Variants in SP140 observed in about 807,000 individuals in gnomAD.
The protein encoded by SP140 is SP140 nuclear body protein.
SP140 carries 81 observed loss-of-function variants against 125.0 expected under a neutral mutation model. The observed-to-expected ratio is 0.65, with a 90% CI of 0.54 to 0.78. The LOEUF is 0.78. Ranked by LOEUF, SP140 falls within the 30% of genes least tolerant of loss-of-function variation. The probability of loss-of-function intolerance (pLI) is 0.00; values close to 1 mark genes in which losing one functional copy is unlikely to be tolerated. For synonymous variants in SP140, 312 were observed against 354.0 expected, an observed-to-expected ratio of 0.88 and a Z score of 1.33; for missense variants, 858 against 1,037.0, an observed-to-expected ratio of 0.83 and a Z score of 2.37.
intron 22 of SP140, among the ~76,000 whole-genome samples, chr2:230,304,207 T>C (rs1429342912): frequency 6.6e-6 from 1 of 151,680 alleles, no homozygotes; most frequent in Non-Finnish European, 1.5e-5. Flanking sequence ...AGAGATGAAA[T>C]ACCTCTACAA....
chr2:230,252,188 C>A (rs2050472923), intron 10 of SP140, among the ~76,000 whole-genome samples: 1 of 150,340 alleles, frequency 6.7e-6, no homozygotes, highest in Admixed American at 6.6e-5. Context: ...AAAAATAGAG[C>A]CAGGAAAGAT....
intron 3 of SP140, chr2:230,239,039 G>C (rs2048357516): frequency 7.2e-7 from 1 of 1,398,536 alleles, no homozygotes; most frequent in Non-Finnish European, 9.3e-7. Flanking sequence ...TTTAATTTTT[G>C]GAAAATAAAG....
intron 3 of SP140, among the ~76,000 whole-genome samples, chr2:230,220,540 G>C (rs1420457319): frequency 1.3e-5 from 2 of 152,192 alleles, no homozygotes; most frequent in African/African-American, 4.8e-5. Flanking sequence ...CAGACCTCCA[G>C]GCAGAAAAAT....
upstream of SP140, among the ~76,000 whole-genome samples, chr2:230,223,733 A>G (rs1192907035): frequency 6.6e-6 from 1 of 152,226 alleles, no homozygotes; most frequent in Non-Finnish European, 1.5e-5. Context: ...TAAGTTGGCA[A>G]ATTAAATTAC....
chr2:230,255,720 A>G (rs1482785978), intron 12 of SP140, among the ~76,000 whole-genome samples, 188 bp downstream of exon 12: 1 of 152,238 alleles, frequency 6.6e-6, no homozygotes, highest in Admixed American at 6.5e-5. Flanking sequence ...ATCTTTATAC[A>G]GAAGTCCATG....
intron 1 of SP140, among the ~76,000 whole-genome samples, chr2:230,233,766 C>T (rs1410255620): frequency 6.6e-6 from 1 of 152,154 alleles, no homozygotes; most frequent in African/African-American, 2.4e-5. Flanking sequence ...TTTTATACGT[C>T]TTTTAAATAT....
At chr2:230,228,902 A>C (rs1405303544) in intron 1 of SP140, among the ~76,000 whole-genome samples, 2 of 152,094 alleles carry the variant, frequency 1.3e-5, no homozygotes, top group African/African-American at 4.8e-5. Flanking sequence ...AGTGATTATT[A>C]ATATAGTTAG....
chr2:230,282,955 T>C (rs2055820343), intron 15 of SP140, among the ~76,000 whole-genome samples: 1 of 152,210 alleles, frequency 6.6e-6, no homozygotes, highest in East Asian at 1.9e-4. Context: ...AGGGTGGGCA[T>C]ATGGGGGACT....
At chr2:230,189,052 T>C in the SP140 span, among the ~76,000 whole-genome samples, 2 of 152,016 alleles carry the variant, frequency 1.3e-5, no homozygotes, top group South Asian at 2.1e-4. Flanking sequence ...AGTTGTAATG[T>C]CTCCAGTTTC....
At position 230,312,733 on chromosome 2, in the gene SP140, T is replaced by C. The variant is rs761458744; in HGVS notation, c.*49T>C. The stretch of plus-strand genomic sequence containing the variant: ...ATTCAGCAAATGGCACCCTAAAATA[T>C]GCCGCTGGTTTGCCACTGACTTCAA... On this transcript the variant is annotated 3_prime_UTR_variant, in exon 27 of 27. Transcript: ENST00000392045. 1.4e-6 allele frequency: 2 copies of C among 1,398,690 alleles called. No homozygotes were observed. Among genetic ancestry groups the C allele is most frequent in the South Asian group, 2.3e-5 (2 of 86,244 alleles). 86.6% of individuals were successfully genotyped at this position (1,398,690 alleles called of 1,614,324 possible).
chr2:230,250,854 A>C, intron 9 of SP140, 127 bp from the exon 10 acceptor site: 1 of 939,752 alleles, frequency 1.1e-6, no homozygotes, highest in South Asian at 1.6e-5. Context: ...ACCCACCTAC[A>C]GAACCCACCT....
intron 15 of SP140, among the ~76,000 whole-genome samples, chr2:230,281,574 C>T (rs2055560430): frequency 6.6e-6 from 1 of 152,144 alleles, no homozygotes; most frequent in South Asian, 2.1e-4. Context: ...GTATCTCCAC[C>T]CACTATCCAT....
At chr2:230,300,406 C>T (rs2058177318) in intron 22 of SP140, among the ~76,000 whole-genome samples, 1 of 152,272 alleles carries the variant, frequency 6.6e-6, no homozygotes, top group East Asian at 1.9e-4. Flanking sequence ...CACTTCACTC[C>T]CCTGCTACCT....
At chr2:230,311,029 G>T in intron 24 of SP140, 125 bp from the exon 25 acceptor site, 1 of 1,509,906 alleles carries the variant, frequency 6.6e-7, no homozygotes, top group Non-Finnish European at 8.9e-7. Flanking sequence ...TGACATGTCT[G>T]TTTCCAAGAG....
At chr2:230,270,533 A>G (rs890791660) in intron 14 of SP140, 53 bp from the exon 15 acceptor site, 6 of 1,510,320 alleles carry the variant, frequency 4.0e-6, no homozygotes, top group Admixed American at 1.8e-5. Context: ...CCTAAAATCT[A>G]TAACTTTTAT....
intron 15 of SP140, among the ~76,000 whole-genome samples, chr2:230,278,361 T>G (rs557620647): frequency 2.5e-4 from 38 of 152,098 alleles, no homozygotes; most frequent in Non-Finnish European, 4.3e-4. Flanking sequence ...GTTTTTTTGC[T>G]ATTGAGTTAT....
At chr2:230,297,144 T>C (rs536486106) in intron 21 of SP140, among the ~76,000 whole-genome samples, 1 of 152,178 alleles carries the variant, frequency 6.6e-6, no homozygotes, top group Non-Finnish European at 1.5e-5. Flanking sequence ...CTATATTTAA[T>C]GGGTTATCAT....
chr2:230,221,658 G>A, upstream of SP140: 2 of 1,519,232 alleles, frequency 1.3e-6, no homozygotes, highest in African/African-American at 2.7e-5. Flanking sequence ...GGATGGCGGT[G>A]GTAAAGGAAT....
intron 12 of SP140, among the ~76,000 whole-genome samples, chr2:230,259,416 G>A (rs551553079): frequency 3.3e-5 from 5 of 151,956 alleles, no homozygotes; most frequent in East Asian, 1.9e-4. Flanking sequence ...GGTGGCTCAC[G>A]CCTGTAGTCC....
Sources: allele counts gnomAD v4.1 joint callset (sites outside exome capture counted in the v4.1 genomes callset), GRCh38; gene constraint gnomAD v4.1.1; transcripts MANE v1.5; gene names NCBI Gene and HGNC (gene_info 2026-07-23, HGNC 2026-07-21).